PHYHIPL: variants seen among roughly 807,000 people sequenced by gnomAD.
PHYHIPL encodes phytanoyl-CoA hydroxylase-interacting protein-like.
A neutral mutation model predicts 33.4 loss-of-function variants in PHYHIPL; 9 were observed. That is an observed-to-expected ratio of 0.27 (90% CI 0.16 to 0.47). PHYHIPL has a LOEUF of 0.47. PHYHIPL is among the 20% of genes least tolerant of loss of function. The probability of loss-of-function intolerance (pLI) is 0.99; values close to 1 mark genes in which losing one functional copy is unlikely to be tolerated. For synonymous variants in PHYHIPL, 153 were observed against 154.1 expected, an observed-to-expected ratio of 0.99 and a Z score of 0.05; for missense variants, 365 against 460.7, an observed-to-expected ratio of 0.79 and a Z score of 1.90.
Position 59,184,174 on chromosome 10 carries a change from C to A in PHYHIPL, c.106+7215C>A, listed in dbSNP as rs566061439. The stretch of plus-strand genomic sequence containing the variant: ...GGGCGTGCATGTTATGTTCCCTGGG[C>A]AAAATCCATAAGCCTGCTACCTGTT... On this transcript the variant is annotated intron_variant, in intron 1 of 4. Transcript: ENST00000373880. Among the ~76,000 whole-genome samples, 4 of 152,198 alleles carry A rather than the reference C, an allele frequency of 2.6e-5. No individual in the cohort carries two copies. The South Asian group carries it at 8.3e-4, about 32-fold the overall frequency.
At chr10:59,181,831 C>CAA (rs10671160) in intron 1 of PHYHIPL, among the ~76,000 whole-genome samples, 38,547 of 152,032 alleles carry the variant, frequency 0.25, 7,098 homozygotes, top group African/African-American at 0.52. Context: ...GTTACTAGAG[C>CAA]AAGTTACATC....
Position 59,247,212 on chromosome 10 carries a change from C to G in PHYHIPL, c.*1621C>G, listed in dbSNP as rs533843675. The G allele has an allele frequency of 6.0e-6, 1 of 165,734 alleles. No individual in the cohort carries two copies. Among genetic ancestry groups the G allele is most frequent in the African/African-American group, 2.4e-5 (1 of 41,840 alleles). The allele number at this position is 165,734 out of a possible 1,614,324, so 10.3% of individuals were successfully genotyped here. A position where few individuals can be genotyped will look rare whatever the true frequency, so the allele number is the denominator to read the frequency against. ...CTTGAAAAGCGAATTTCTTTTCCTC[C>G]TATGATTGATTTTTTAAAATCATGC... is the stretch of plus-strand genomic sequence containing the variant. On this transcript the variant is annotated 3_prime_UTR_variant, in exon 5 of 5. Coordinates refer to ENST00000373880, the MANE Select transcript of PHYHIPL (RefSeq NM_032439.4).
chr10:59,173,782 G>A (rs1420967141), upstream of PHYHIPL, among the ~76,000 whole-genome samples: 1 of 152,066 alleles, frequency 6.6e-6, no homozygotes, highest in African/African-American at 2.4e-5. Flanking sequence ...TTTATGGCTG[G>A]CTTTGGGGAA....
chr10:59,207,923 C>T (rs1042510245), intron 1 of PHYHIPL, among the ~76,000 whole-genome samples: 40 of 151,544 alleles, frequency 2.6e-4, no homozygotes, highest in South Asian at 2.1e-4. Context: ...CAGCCCCAGT[C>T]AGGGGCTTAT....
intron 1 of PHYHIPL, among the ~76,000 whole-genome samples, chr10:59,178,270 A>G (rs1341987864): frequency 6.6e-6 from 1 of 152,084 alleles, no homozygotes; most frequent in Admixed American, 6.5e-5. Context: ...CAGGTGTAGT[A>G]TATGAATAAA....
In PHYHIPL at chr10:59,190,492, AT is replaced by A. The variant is rs2133198684; in HGVS notation, c.106+13535del. Reference sequence around the variant, plus strand: ...TATCTTGTATCATTCTGAGATATTTATTGATAACATTTTTAAAACTCATACT... The same window carrying A: ...TATCTTGTATCATTCTGAGATATTTATGATAACATTTTTAAAACTCATACT... On this transcript the variant is annotated intron_variant, in intron 1 of 4. Coordinates refer to ENST00000373880, the MANE Select transcript of PHYHIPL (RefSeq NM_032439.4). Among the ~76,000 whole-genome samples, 2 of 152,046 alleles carry A rather than the reference AT, an allele frequency of 1.3e-5. 1 individual carries two copies. The highest frequency in any genetic ancestry group is 4.1e-4 in the South Asian group (2 of 4,826).
chr10:59,183,319 G>A (rs1838465535), intron 1 of PHYHIPL, among the ~76,000 whole-genome samples: 1 of 152,122 alleles, frequency 6.6e-6, no homozygotes, highest in Non-Finnish European at 1.5e-5. Context: ...TGAGAGATTA[G>A]TATAAAGCAA....
At chr10:59,174,058 G>T (rs1484656253), upstream of PHYHIPL, among the ~76,000 whole-genome samples, 1 of 148,490 alleles carries the variant, frequency 6.7e-6, no homozygotes, top group African/African-American at 2.5e-5. Flanking sequence ...CCCTGTTCAA[G>T]GTTACTGGAA....
chr10:59,224,495 C>CAAAACAAAAA (rs1393568904), intron 1 of PHYHIPL, among the ~76,000 whole-genome samples: 2 of 53,658 alleles, frequency 3.7e-5, no homozygotes, highest in South Asian at 5.0e-4. Flanking sequence ...CAAAACAAAA[C>CAAAACAAAAA]AAAAAACAAA....
chr10:59,184,529 T>C (rs1357037202), intron 1 of PHYHIPL, among the ~76,000 whole-genome samples: 3 of 152,086 alleles, frequency 2.0e-5, no homozygotes, highest in Non-Finnish European at 2.9e-5. Context: ...ACTTGAATAA[T>C]GTTATCAGGC....
intron 1 of PHYHIPL, among the ~76,000 whole-genome samples, chr10:59,200,894 G>C (rs1399853061): frequency 6.6e-6 from 1 of 152,034 alleles, no homozygotes; most frequent in Admixed American, 6.6e-5. Flanking sequence ...CTGTGGGATC[G>C]GCAGTGATAT....
At chr10:59,208,775 A>G (rs1029145893) in intron 1 of PHYHIPL, among the ~76,000 whole-genome samples, 1 of 152,094 alleles carries the variant, frequency 6.6e-6, no homozygotes, top group Non-Finnish European at 1.5e-5. Flanking sequence ...AACTTTGTGA[A>G]GCATACACAA....
rs189604819 is a variant in PHYHIPL, at chr10:59,231,230, G to C, written c.107-3074G>C. On this transcript the variant is annotated intron_variant, in intron 1 of 4. Coordinates refer to ENST00000373880, the MANE Select transcript of PHYHIPL (RefSeq NM_032439.4). ...ATTGAAACATAAATATGATACATTTGAGAAAAACATCAGTAATATTAGTAA... is the reference window on the plus strand; with the variant it reads ...ATTGAAACATAAATATGATACATTTCAGAAAAACATCAGTAATATTAGTAA... Among the ~76,000 whole-genome samples, 3 of 152,146 alleles carry C rather than the reference G, an allele frequency of 2.0e-5. No homozygotes were observed. The East Asian group carries it at 5.8e-4, about 29-fold the overall frequency.
chr10:59,212,863 C>G (rs1763954116), intron 1 of PHYHIPL, among the ~76,000 whole-genome samples: 1 of 152,066 alleles, frequency 6.6e-6, no homozygotes, highest in Non-Finnish European at 1.5e-5. Flanking sequence ...CCAGTCACCC[C>G]AGGATTTTAT....
intron 1 of PHYHIPL, among the ~76,000 whole-genome samples, chr10:59,189,412 G>A (rs1838715414): frequency 6.6e-6 from 1 of 151,862 alleles, no homozygotes; most frequent in African/African-American, 2.4e-5. Context: ...ATTGCTTGTG[G>A]GTAGACCACA....
intron 1 of PHYHIPL, among the ~76,000 whole-genome samples, chr10:59,218,288 T>A (rs576009558): frequency 6.6e-6 from 1 of 152,182 alleles, no homozygotes; most frequent in African/African-American, 2.4e-5. Flanking sequence ...TCCTCGAAGC[T>A]TAAGCTTCAT....
At chr10:59,241,064 A>G (rs1291702494) in intron 4 of PHYHIPL, among the ~76,000 whole-genome samples, 1 of 152,140 alleles carries the variant, frequency 6.6e-6, no homozygotes, top group East Asian at 1.9e-4. Flanking sequence ...GTCTTGGTGC[A>G]GTACGTATAA....
rs1339207802 is a variant in PHYHIPL, at chr10:59,246,197, G to A, written c.*606G>A. ...TATTTACAATCATATAGAATATATAGAGTTACATTTTAATAGCAACTGTGT... is the reference window on the plus strand; with the variant it reads ...TATTTACAATCATATAGAATATATAAAGTTACATTTTAATAGCAACTGTGT... On this transcript the variant is annotated 3_prime_UTR_variant, in exon 5 of 5. Transcript: ENST00000373880. 1 of 153,008 alleles carries A rather than the reference G, an allele frequency of 6.5e-6. No homozygotes were observed. The highest frequency in any genetic ancestry group is 2.4e-5 in the African/African-American group (1 of 41,460). The allele number at this position is 153,008 out of a possible 1,614,324, so 9.5% of individuals were successfully genotyped here.
chr10:59,178,928 G>T (rs546602623), intron 1 of PHYHIPL, among the ~76,000 whole-genome samples: 1 of 152,126 alleles, frequency 6.6e-6, no homozygotes, highest in Non-Finnish European at 1.5e-5. Context: ...ATTACTATTT[G>T]CAGACTTCCA....
Sources: allele counts gnomAD v4.1 joint callset (sites outside exome capture counted in the v4.1 genomes callset), GRCh38; gene constraint gnomAD v4.1.1; transcripts MANE v1.5; gene names NCBI Gene and HGNC (gene_info 2026-07-23, HGNC 2026-07-21).